The following KLHL13 variants were observed in gnomAD, a reference collection of about 807,000 sequenced individuals.
KLHL13 encodes the protein kelch like family member 13, also known as kelch-like protein 13.
KLHL13 carries 10 observed loss-of-function variants against 37.1 expected under a neutral mutation model. The ratio of observed to expected loss-of-function variants is 0.27; its 90% CI spans 0.17 to 0.46. The LOEUF (loss-of-function observed/expected upper bound fraction) is 0.46, where lower values mean the gene tolerates loss of function less well. KLHL13 is among the 20% of genes least tolerant of loss of function. The probability of loss-of-function intolerance (pLI) is 1.00; values close to 1 mark genes in which losing one functional copy is unlikely to be tolerated. For synonymous variants in KLHL13, 163 were observed against 181.2 expected, an observed-to-expected ratio of 0.90 and a Z score of 0.81; for missense variants, 360 against 509.3, an observed-to-expected ratio of 0.71 and a Z score of 2.82.
intron 1 of KLHL13, among the ~76,000 whole-genome samples, chrX:118,031,455 A>C (rs1390518028): frequency 3.3e-5 from 3 of 91,044 alleles, no homozygotes; most frequent in Non-Finnish European, 6.0e-5. Context: ...ATATATATAT[A>C]GATATATATA....
intron 1 of KLHL13, among the ~76,000 whole-genome samples, chrX:117,969,339 T>C (rs983207088): frequency 3.6e-5 from 4 of 112,093 alleles, no homozygotes; most frequent in African/African-American, 1.3e-4. Flanking sequence ...AATATTTGCC[T>C]GAAGGAACCA....
upstream of KLHL13, among the ~76,000 whole-genome samples, chrX:117,974,020 G>T (rs905402012): frequency 3.6e-5 from 4 of 110,777 alleles, no homozygotes; most frequent in Non-Finnish European, 7.6e-5. Context: ...GGTATTTCAT[G>T]AAAGCAATGG....
intron 1 of KLHL13, among the ~76,000 whole-genome samples, chrX:118,014,937 A>G (rs2054111560): frequency 8.9e-6 from 1 of 112,481 alleles, no homozygotes; most frequent in Non-Finnish European, 1.9e-5. Flanking sequence ...AAAAACAGGG[A>G]GGTACAGACA....
chrX:118,098,393 T>A (rs1440999772), intron 1 of KLHL13, among the ~76,000 whole-genome samples: 1 of 111,174 alleles, frequency 9.0e-6, no homozygotes, highest in Non-Finnish European at 1.9e-5. Context: ...TCACACCAGT[T>A]AGAATGGCAA....
intron 1 of KLHL13, among the ~76,000 whole-genome samples, chrX:118,098,130 G>A (rs1238373857): frequency 8.9e-6 from 1 of 111,840 alleles, no homozygotes; most frequent in Non-Finnish European, 1.9e-5. Flanking sequence ...ACTACCATCA[G>A]AGTGAACAGG....
intron 4 of KLHL13, among the ~76,000 whole-genome samples, chrX:117,913,661 T>C (rs916650836): frequency 9.0e-6 from 1 of 111,076 alleles, no homozygotes; most frequent in Non-Finnish European, 1.9e-5. Flanking sequence ...TTGGCCCACA[T>C]GGTGAAACCC....
chrX:117,911,782 C>A (rs1428202263), intron 4 of KLHL13, among the ~76,000 whole-genome samples: 1 of 112,085 alleles, frequency 8.9e-6, no homozygotes, highest in Non-Finnish European at 1.9e-5. Flanking sequence ...GCCACATTTT[C>A]TTTATCCAGT....
At chrX:118,108,122 G>T (rs866301521) in intron 1 of KLHL13, among the ~76,000 whole-genome samples, 1 of 111,951 alleles carries the variant, frequency 8.9e-6, no homozygotes, top group Admixed American at 9.5e-5. Context: ...CTTTAGAAAT[G>T]TATCACCATT....
exon 4 of KLHL13, chrX:117,919,590 C>A: frequency 1.7e-6 from 2 of 1,209,854 alleles, no homozygotes; most frequent in Non-Finnish European, 2.2e-6. Context: ...CAGCTTCCAG[C>A]GTGTCTTGAA....
chrX:118,007,401 A>G (rs760816820), intron 1 of KLHL13, among the ~76,000 whole-genome samples: 1 of 105,247 alleles, frequency 9.5e-6, no homozygotes, highest in South Asian at 4.6e-4. Flanking sequence ...AAAGAGAGAG[A>G]GACCTGCCAG....
intron 1 of KLHL13, among the ~76,000 whole-genome samples, chrX:118,088,326 T>C (rs2148143328): frequency 8.9e-6 from 1 of 112,138 alleles, no homozygotes; most frequent in Non-Finnish European, 1.9e-5. Flanking sequence ...ACTGCAATAA[T>C]GTATACGTTA....
chrX:118,052,479 G>A (rs111771244), intron 1 of KLHL13, among the ~76,000 whole-genome samples: 5 of 101,745 alleles, frequency 4.9e-5, no homozygotes, highest in African/African-American at 1.8e-4. Context: ...GCGGAGATGC[G>A]CCACTGCACT....
intron 1 of KLHL13, among the ~76,000 whole-genome samples, chrX:118,110,377 C>CTT (rs1054663520): frequency 1.5e-3 from 123 of 82,527 alleles, no homozygotes; most frequent in African/African-American, 4.6e-3. Context: ...ATTTCTTTTT[C>CTT]TTTTTTTTTT....
intron 1 of KLHL13, among the ~76,000 whole-genome samples, chrX:118,044,224 T>C (rs1349440463): frequency 9.0e-6 from 1 of 110,919 alleles, no homozygotes; most frequent in Non-Finnish European, 1.9e-5. Context: ...TGATGAAAAA[T>C]TGAAGTGGAC....
chrX:117,917,294 T>A (rs763868721), intron 4 of KLHL13, among the ~76,000 whole-genome samples: 2 of 111,153 alleles, frequency 1.8e-5, no homozygotes, highest in East Asian at 5.6e-4. Flanking sequence ...TTCCTAAAAG[T>A]TCATAGGCAA....
intron 1 of KLHL13, among the ~76,000 whole-genome samples, chrX:118,020,337 T>G (rs976614315): frequency 8.9e-6 from 1 of 111,815 alleles, no homozygotes; most frequent in African/African-American, 3.3e-5. Flanking sequence ...TTTTGTACAT[T>G]GATTTTGTAT....
At chrX:117,955,842 T>G (rs941126640) in intron 1 of KLHL13, among the ~76,000 whole-genome samples, 2 of 111,698 alleles carry the variant, frequency 1.8e-5, no homozygotes, top group African/African-American at 6.5e-5. Context: ...TAAAGAAACA[T>G]ATCCATTGCT....
chrX:117,903,190 G>GAGAA lies in KLHL13; in HGVS notation c.1367-1245_1367-1244insTTCT, dbSNP rs373550507. ...GAGAGAGAGGAGAGCGAGAGAGAGA[G>GAGAA]AGAGAGAGAGAGAGACTACTTTTCC... On this transcript the variant is annotated intron_variant, in intron 5 of 6. Coordinates refer to ENST00000262820, the Ensembl canonical transcript of KLHL13. Among the ~76,000 whole-genome samples, 184 of 104,145 alleles carry GAGAA rather than the reference G, an allele frequency of 1.8e-3. 2 individuals are homozygous for GAGAA. The highest frequency in any genetic ancestry group is 6.2e-3 in the African/African-American group (180 of 28,895). The allele number at this position is 104,145 out of a possible 115,157, so 90.4% of individuals were successfully genotyped here. A position where few individuals can be genotyped will look rare whatever the true frequency, so the allele number is the denominator to read the frequency against.
At chrX:117,933,125 A>G (rs1209806412) in intron 2 of KLHL13, among the ~76,000 whole-genome samples, 1 of 110,379 alleles carries the variant, frequency 9.1e-6, no homozygotes, top group African/African-American at 3.3e-5. Context: ...TTCTTATCAG[A>G]TGCATAGTTT....
Sources: gnomAD v4.1 joint callset for allele counts (sites outside exome capture counted in the v4.1 genomes callset) on GRCh38, gnomAD v4.1.1 for gene constraint, MANE v1.5 for transcripts, NCBI Gene and HGNC (gene_info 2026-07-23, HGNC 2026-07-21) for gene names.